Variants in PHKA1 observed in about 807,000 individuals in gnomAD.
PHKA1 encodes the protein phosphorylase b kinase regulatory subunit alpha, skeletal muscle isoform.
In PHKA1, 60 loss-of-function variants were observed where a neutral mutation model predicts 110.2. The ratio of observed to expected loss-of-function variants is 0.54; its 90% CI spans 0.44 to 0.68. The LOEUF is 0.68. PHKA1 is among the 30% of genes least tolerant of loss of function. The pLI is 0.00. For synonymous variants in PHKA1, 316 were observed against 333.6 expected (o/e 0.95, Z 0.58); for missense variants, 801 against 942.5 (o/e 0.85, Z 1.97).
chrX:72,619,610 T>C (rs2052948620), intron 19 of PHKA1, among the ~76,000 whole-genome samples: 1 of 112,280 alleles, frequency 8.9e-6, no homozygotes, highest in South Asian at 3.7e-4. Context: ...TTTGATGGAA[T>C]ACGACATATA....
intron 2 of PHKA1, among the ~76,000 whole-genome samples, chrX:72,708,296 G>A (rs1603276894): frequency 9.0e-6 from 1 of 111,568 alleles, no homozygotes; most frequent in African/African-American, 3.3e-5. Context: ...TAATTATGGG[G>A]AAGTGTGTTG....
At chrX:72,651,229 T>C (rs1157799061) in intron 12 of PHKA1, among the ~76,000 whole-genome samples, 1 of 111,516 alleles carries the variant, frequency 9.0e-6, no homozygotes, top group Non-Finnish European at 1.9e-5. Context: ...AACTCACCTA[T>C]TTTTTCCTTA....
At chrX:72,660,305 A>T (rs1238159140) in intron 8 of PHKA1, among the ~76,000 whole-genome samples, 1 of 111,842 alleles carries the variant, frequency 8.9e-6, no homozygotes, top group Non-Finnish European at 1.9e-5. Flanking sequence ...CTTTATAGAC[A>T]ATCTGTCCTC....
chrX:72,695,592 AT>A, intron 4 of PHKA1, 115 bp downstream of exon 4: 1 of 682,061 alleles, frequency 1.5e-6, no homozygotes, highest in East Asian at 3.5e-5. Context: ...ATAATAAAAA[AT>A]ACCTGTTTCA....
At chrX:72,680,520 A>G (rs2053835331) in intron 5 of PHKA1, among the ~76,000 whole-genome samples, 1 of 113,118 alleles carries the variant, frequency 8.8e-6, no homozygotes, top group South Asian at 3.6e-4. Flanking sequence ...AAGATGAAAT[A>G]AAGATTTCTT....
chrX:72,609,812 T>G, intron 22 of PHKA1, 109 bp from the exon 23 acceptor site: 1 of 562,407 alleles, frequency 1.8e-6, no homozygotes, highest in East Asian at 3.3e-5. Context: ...AATGACACAC[T>G]GAACTCTCTT....
intron 4 of PHKA1, among the ~76,000 whole-genome samples, chrX:72,690,368 G>T (rs1556320656): frequency 9.0e-6 from 1 of 111,084 alleles, no homozygotes; most frequent in Non-Finnish European, 1.9e-5. Flanking sequence ...TTTGTATATT[G>T]AAGCCCTAAC....
chrX:72,692,189 T>C (rs1295300746), intron 4 of PHKA1, among the ~76,000 whole-genome samples: 2 of 112,280 alleles, frequency 1.8e-5, no homozygotes, highest in Non-Finnish European at 3.8e-5. Flanking sequence ...CTTGCATTCC[T>C]GGAATATATA....
intron 14 of PHKA1, among the ~76,000 whole-genome samples, chrX:72,639,517 G>A (rs1006881980): frequency 1.8e-5 from 2 of 111,339 alleles, no homozygotes; most frequent in African/African-American, 6.5e-5. Context: ...GCCAGCCTGG[G>A]CAACAAGAGC....
chrX:72,591,417 G>C (rs1556224920), intron 29 of PHKA1, among the ~76,000 whole-genome samples: 1 of 110,862 alleles, frequency 9.0e-6, no homozygotes, highest in African/African-American at 3.3e-5. Context: ...GTCATGGGGT[G>C]GGGGGCGAGG....
Position 72,635,143 on chromosome X carries a change from T to C in PHKA1, c.1714+12A>G. 1 of 1,211,433 alleles carries C rather than the reference T, an allele frequency of 8.3e-7. No homozygotes were observed. The highest frequency in any genetic ancestry group is 1.1e-6 in the Non-Finnish European group (1 of 895,185). On this transcript the variant is annotated intron_variant, in intron 16 of 31. Transcript: ENST00000373542. ...CAAAATACATTCGTTCCTTGCCTCA[T>C]GCAGCCCTTACCAAGCATGCTGTGT... is the stretch of plus-strand genomic sequence containing the variant.
chrX:72,685,669 T>C (rs1603271754), intron 4 of PHKA1, among the ~76,000 whole-genome samples: 1 of 112,023 alleles, frequency 8.9e-6, no homozygotes, highest in Admixed American at 9.5e-5. Context: ...ACAATAAATA[T>C]TACTGTTTAC....
At chrX:72,674,378 C>A (rs1037597228) in intron 6 of PHKA1, among the ~76,000 whole-genome samples, 11 of 110,454 alleles carry the variant, frequency 1.0e-4, no homozygotes, top group African/African-American at 3.3e-4. Flanking sequence ...TGAGGAATCG[C>A]CACACTGACT....
At chrX:72,649,005 T>C (rs1336668875) in intron 13 of PHKA1, among the ~76,000 whole-genome samples, 1 of 111,721 alleles carries the variant, frequency 9.0e-6, no homozygotes, top group Non-Finnish European at 1.9e-5. Flanking sequence ...AGAGGAAGGC[T>C]GTAGCCAGGC....
intron 2 of PHKA1, among the ~76,000 whole-genome samples, chrX:72,706,477 C>A (rs1292072702): frequency 9.0e-6 from 1 of 111,610 alleles, no homozygotes; most frequent in African/African-American, 3.3e-5. Context: ...AACACAACCT[C>A]TTCTGTGGGG....
intron 21 of PHKA1, among the ~76,000 whole-genome samples, chrX:72,612,958 G>T (rs2147694922): frequency 9.0e-6 from 1 of 110,796 alleles, no homozygotes; most frequent in East Asian, 2.9e-4. Flanking sequence ...GTCATCTGTG[G>T]GTGTACCAGC....
intron 6 of PHKA1, among the ~76,000 whole-genome samples, chrX:72,671,373 T>C (rs1273483990): frequency 9.1e-6 from 1 of 109,452 alleles, no homozygotes; most frequent in Non-Finnish European, 1.9e-5. Context: ...GGAATCCAAC[T>C]TACAAGGGAT....
intron 16 of PHKA1, among the ~76,000 whole-genome samples, chrX:72,631,534 A>G (rs1306456003): frequency 9.0e-6 from 1 of 111,163 alleles, no homozygotes; most frequent in Admixed American, 9.5e-5. Context: ...CTGTCTCTCT[A>G]GGTTGCTCCT....
intron 21 of PHKA1, among the ~76,000 whole-genome samples, chrX:72,612,879 C>T (rs1396049238): frequency 9.0e-6 from 1 of 111,458 alleles, no homozygotes; most frequent in Non-Finnish European, 1.9e-5. Context: ...TAATAGAGCT[C>T]CCAGCTGGGA....
Sources: allele counts gnomAD v4.1 joint callset (sites outside exome capture counted in the v4.1 genomes callset), GRCh38; gene constraint gnomAD v4.1.1; transcripts MANE v1.5; gene names NCBI Gene and HGNC (gene_info 2026-07-23, HGNC 2026-07-21).